The following ASIC2 variants were observed in gnomAD, a reference collection of about 807,000 sequenced individuals.
ASIC2 encodes acid sensing ion channel subunit 2.
A neutral mutation model predicts 57.3 loss-of-function variants in ASIC2; 25 were observed. The ratio of observed to expected loss-of-function variants is 0.44; its 90% CI spans 0.32 to 0.61. The LOEUF is 0.61. Ranked by LOEUF, ASIC2 falls within the 20% of genes least tolerant of loss-of-function variation. The probability of loss-of-function intolerance (pLI) is 0.06; values close to 1 mark genes in which losing one functional copy is unlikely to be tolerated. For synonymous variants in ASIC2, 319 were observed against 307.5 expected, an observed-to-expected ratio of 1.04 and a Z score of -0.39; for missense variants, 641 against 738.1, an observed-to-expected ratio of 0.87 and a Z score of 1.52.
intron 1 of ASIC2, chr17:33,569,227 C>T (rs1335409904): frequency 6.6e-6 from 1 of 152,282 alleles, no homozygotes. Context: ...GTTGGGGCGC[C>T]CTTTGCAAAA....
At chr17:33,067,164 C>T (rs560457522) in intron 3 of ASIC2, among the ~76,000 whole-genome samples, 1 of 152,240 alleles carries the variant, frequency 6.6e-6, no homozygotes, top group African/African-American at 2.4e-5. Flanking sequence ...ATGGGGCCAA[C>T]TCATGAAATG....
At chr17:34,038,717 AT>A in intron 1 of ASIC2, 1 of 1,603,948 alleles carries the variant, frequency 6.2e-7, no homozygotes, top group African/African-American at 1.3e-5. Context: ...GAGTTTGAAG[AT>A]TTCTTCTTGT....
At chr17:33,372,902 T>A (rs1444351387) in intron 1 of ASIC2, among the ~76,000 whole-genome samples, 1 of 152,232 alleles carries the variant, frequency 6.6e-6, no homozygotes, top group Non-Finnish European at 1.5e-5. Flanking sequence ...GGAGGGGATC[T>A]GTTGCCTGTT....
chr17:34,059,410 G>A (rs1489863420), intron 1 of ASIC2, among the ~76,000 whole-genome samples: 2 of 152,172 alleles, frequency 1.3e-5, no homozygotes, highest in Non-Finnish European at 2.9e-5. Context: ...GTGGCGAGAG[G>A]AGCAGAGGGT....
chr17:33,536,463 A>C (rs1401819618), intron 1 of ASIC2, among the ~76,000 whole-genome samples: 3 of 152,222 alleles, frequency 2.0e-5, no homozygotes, highest in Admixed American at 6.5e-5. Context: ...ATGGAAATTG[A>C]CAAATGCTAC....
chr17:33,889,246 C>T (rs1212788619), intron 1 of ASIC2, among the ~76,000 whole-genome samples: 1 of 152,052 alleles, frequency 6.6e-6, no homozygotes, highest in Non-Finnish European at 1.5e-5. Context: ...CCTCGTTTTT[C>T]AGATGAAGAA....
chr17:33,819,717 G>A (rs1912692211), intron 1 of ASIC2, among the ~76,000 whole-genome samples: 1 of 152,200 alleles, frequency 6.6e-6, no homozygotes, highest in Admixed American at 6.5e-5. Flanking sequence ...AAGCAAACTT[G>A]GCTTTGAATC....
At chr17:33,323,721 A>G (rs997971333) in intron 1 of ASIC2, among the ~76,000 whole-genome samples, 1 of 151,970 alleles carries the variant, frequency 6.6e-6, no homozygotes, top group African/African-American at 2.4e-5. Flanking sequence ...TCCCCACCAC[A>G]CCCCCGCCCC....
chr17:33,551,603 C>T (rs183664362), intron 1 of ASIC2, among the ~76,000 whole-genome samples: 160 of 152,286 alleles, frequency 1.1e-3, no homozygotes, highest in Non-Finnish European at 1.9e-3. Context: ...CTAGAAAATG[C>T]TCTTCTCCTT....
At chr17:33,570,827 T>A (rs1239969285) in intron 1 of ASIC2, among the ~76,000 whole-genome samples, 1 of 152,130 alleles carries the variant, frequency 6.6e-6, no homozygotes, top group African/African-American at 2.4e-5. Context: ...ATGTGGCATC[T>A]CATCCTCAAG....
intron 1 of ASIC2, among the ~76,000 whole-genome samples, chr17:33,975,757 A>T (rs1166113258): frequency 6.6e-6 from 1 of 151,918 alleles, no homozygotes; most frequent in African/African-American, 2.4e-5. Context: ...CCTGTCAATG[A>T]TGTTTGCCTA....
At chr17:33,481,080 C>T (rs1359203322) in intron 1 of ASIC2, among the ~76,000 whole-genome samples, 1 of 152,220 alleles carries the variant, frequency 6.6e-6, no homozygotes, top group Admixed American at 6.5e-5. Context: ...CTTCATCTCT[C>T]TTGTGCCTGT....
chr17:33,030,820 C>T (rs979883083), intron 3 of ASIC2, among the ~76,000 whole-genome samples: 8 of 152,062 alleles, frequency 5.3e-5, no homozygotes, highest in African/African-American at 1.9e-4. Context: ...ATTGATTGAT[C>T]TGAAGAAGCT....
chr17:33,212,055 C>T (rs1488207109), intron 1 of ASIC2, among the ~76,000 whole-genome samples: 1 of 152,136 alleles, frequency 6.6e-6, no homozygotes, highest in Non-Finnish European at 1.5e-5. Context: ...GTAGCAAGCG[C>T]CAGAGCTAGG....
chr17:34,052,360 G>A (rs1908600169), intron 1 of ASIC2, among the ~76,000 whole-genome samples: 1 of 152,108 alleles, frequency 6.6e-6, no homozygotes, highest in African/African-American at 2.4e-5. Context: ...TCTCCCTTTA[G>A]ATAACATTCC....
At chr17:33,089,528 C>T (rs1441433671) in intron 2 of ASIC2, among the ~76,000 whole-genome samples, 1 of 152,194 alleles carries the variant, frequency 6.6e-6, no homozygotes, top group African/African-American at 2.4e-5. Context: ...TTGTTTTCAG[C>T]CACTAAATTT....
intron 1 of ASIC2, among the ~76,000 whole-genome samples, chr17:34,087,783 ATTCAT>A (rs761257004): frequency 2.0e-3 from 310 of 151,960 alleles, no homozygotes; most frequent in Non-Finnish European, 2.6e-3. Context: ...ACTTCATTTC[ATTCAT>A]TTCATCTTCC....
rs903456367 is a variant in ASIC2 at position 33,475,141 on chromosome 17, C to G, written c.556-363074G>C. Among the ~76,000 whole-genome samples the G allele has an allele frequency of 2.6e-5, 4 of 152,130 alleles. No individual in the cohort carries two copies. The South Asian group carries it at 6.2e-4, about 24-fold the overall frequency. On this transcript the variant is annotated intron_variant, in intron 1 of 9. Transcript: ENST00000359872. ...CAACCCAGCCTGAGACACTCTTTCCCCTCCTCATTTCCTGGAACTCTCTGC... is the reference window on the plus strand; with the variant it reads ...CAACCCAGCCTGAGACACTCTTTCCGCTCCTCATTTCCTGGAACTCTCTGC...
chr17:33,603,865 C>G (rs866934634), intron 1 of ASIC2, among the ~76,000 whole-genome samples: 7 of 152,098 alleles, frequency 4.6e-5, no homozygotes, highest in Non-Finnish European at 4.4e-5. Flanking sequence ...AGGCTGATAA[C>G]AAGTCTGCCA....
Sources: gnomAD v4.1 joint callset for allele counts (sites outside exome capture counted in the v4.1 genomes callset) on GRCh38, gnomAD v4.1.1 for gene constraint, MANE v1.5 for transcripts, NCBI Gene and HGNC (gene_info 2026-07-23, HGNC 2026-07-21) for gene names.